The following CTNNA2 variants were observed in gnomAD, a reference collection of about 807,000 sequenced individuals.
CTNNA2 encodes catenin alpha 2.
CTNNA2 carries 42 observed loss-of-function variants against 101.0 expected under a neutral mutation model. That is an observed-to-expected ratio of 0.42 (90% CI 0.32 to 0.54). The LOEUF is 0.54. CTNNA2 is among the 20% of genes least tolerant of loss of function. The pLI, the probability that CTNNA2 is intolerant of heterozygous loss-of-function variation, is 0.14. For synonymous variants in CTNNA2, 450 were observed against 456.4 expected (o/e 0.99, Z 0.18); for missense variants, 871 against 1,223.1 (o/e 0.71, Z 4.29).
At chr2:79,379,749 T>C (rs1573137561) in intron 4 of CTNNA2, among the ~76,000 whole-genome samples, 1 of 152,178 alleles carries the variant, frequency 6.6e-6, no homozygotes, top group East Asian at 1.9e-4. Context: ...ACAGTGATTA[T>C]GTTAGTATTT....
chr2:79,962,985 G>T (rs1010781723), intron 7 of CTNNA2, among the ~76,000 whole-genome samples: 3 of 149,032 alleles, frequency 2.0e-5, no homozygotes, highest in Non-Finnish European at 4.4e-5. Flanking sequence ...GCAGGAGAAC[G>T]GTGTGAACCC....
At chr2:80,016,401 A>G (rs911258172) in intron 7 of CTNNA2, among the ~76,000 whole-genome samples, 1 of 152,138 alleles carries the variant, frequency 6.6e-6, no homozygotes, top group South Asian at 2.1e-4. Flanking sequence ...CTTCTTGGCT[A>G]TGGAGACGAG....
intron 7 of CTNNA2, among the ~76,000 whole-genome samples, chr2:79,984,099 C>T (rs1447834145): frequency 6.6e-6 from 1 of 152,134 alleles, no homozygotes; most frequent in Non-Finnish European, 1.5e-5. Context: ...ACACAATTCC[C>T]CATAATAATT....
chr2:79,651,638 T>G lies in CTNNA2; in HGVS notation c.82T>G (p.Leu28Val). 6.2e-7 allele frequency: 1 copy of G among 1,613,750 alleles called. No individual in the cohort carries two copies. The highest frequency in any genetic ancestry group is 8.5e-7 in the Non-Finnish European group (1 of 1,179,774). The change falls in exon 2 of 19, where the codon TTG becomes GTG. Residue 28 changes from leucine (L) to valine (V), a missense_variant. Leu to Val is a conservative substitution (Grantham distance 32). Around this residue, in one of 5 missense-constraint regions of CTNNA2, gnomAD observed 647 missense variants for 831.5 expected, o/e 0.78. Transcript: ENST00000402739. ...EIRTLTVERL[L>V]EPLVTQVTTL... ...CCGGACGCTAACAGTGGAAAGGCTG[T>G]TGGAGCCACTTGTTACACAGGTAAG...
chr2:79,800,484 A>C (rs988072868), intron 3 of CTNNA2, among the ~76,000 whole-genome samples: 2 of 152,244 alleles, frequency 1.3e-5, no homozygotes, highest in East Asian at 3.9e-4. Context: ...ATGTGTCCAA[A>C]ATTGAAAAAT....
chr2:79,745,153 G>A (rs757672822), intron 3 of CTNNA2, among the ~76,000 whole-genome samples: 15 of 152,136 alleles, frequency 9.9e-5, no homozygotes, highest in Non-Finnish European at 1.9e-4. Context: ...AACTACGGCC[G>A]GGTGCGGTGG....
chr2:80,621,900 T>C (rs59171235), intron 18 of CTNNA2, among the ~76,000 whole-genome samples: 7,723 of 151,838 alleles, frequency 0.051, 492 homozygotes, highest in African/African-American at 0.15. Flanking sequence ...GTGGGCTGGA[T>C]TGCACTGGGG....
intron 3 of CTNNA2, among the ~76,000 whole-genome samples, chr2:79,844,985 C>T (rs1208440873): frequency 1.3e-5 from 2 of 151,240 alleles, no homozygotes; most frequent in Non-Finnish European, 2.9e-5. Flanking sequence ...AAACTACACA[C>T]ACACACACAC....
intron 15 of CTNNA2, among the ~76,000 whole-genome samples, chr2:80,596,669 T>G (rs1697014954): frequency 1.3e-5 from 2 of 152,120 alleles, no homozygotes; most frequent in African/African-American, 4.8e-5. Context: ...ACAATTTGAC[T>G]TCTTTTCTTT....
At chr2:79,844,662 C>A (rs902466545) in intron 3 of CTNNA2, among the ~76,000 whole-genome samples, 1 of 152,116 alleles carries the variant, frequency 6.6e-6, no homozygotes, top group African/African-American at 2.4e-5. Context: ...TGGGGCCCAA[C>A]AGAGAGGGAC....
At chr2:79,251,981 C>T (rs959103267) in intron 2 of CTNNA2, among the ~76,000 whole-genome samples, 1 of 152,216 alleles carries the variant, frequency 6.6e-6, no homozygotes, top group Non-Finnish European at 1.5e-5. Context: ...GAATAATACA[C>T]AGTCTCAGCT....
intron 7 of CTNNA2, among the ~76,000 whole-genome samples, chr2:80,136,555 G>T (rs1325064132): frequency 1.3e-5 from 2 of 152,054 alleles, no homozygotes; most frequent in Non-Finnish European, 2.9e-5. Context: ...CACAACTATA[G>T]TTCTTTTGTG....
intron 2 of CTNNA2, among the ~76,000 whole-genome samples, chr2:79,206,015 A>T (rs548643832): frequency 2.0e-5 from 3 of 152,332 alleles, no homozygotes; most frequent in African/African-American, 7.2e-5. Flanking sequence ...AACAGTCAAA[A>T]GTTTTAAATC....
chr2:80,349,437 A>G (rs1385782755), intron 7 of CTNNA2, among the ~76,000 whole-genome samples: 7 of 152,164 alleles, frequency 4.6e-5, no homozygotes, highest in South Asian at 2.1e-4. Flanking sequence ...CTGAAACCCT[A>G]GGAAAGCCAA....
chr2:79,249,089 G>A (rs2104268774), intron 2 of CTNNA2, among the ~76,000 whole-genome samples: 1 of 152,204 alleles, frequency 6.6e-6, no homozygotes, highest in East Asian at 1.9e-4. Context: ...TGAATCCTTG[G>A]AAAAGTTACC....
intron 2 of CTNNA2, among the ~76,000 whole-genome samples, chr2:79,280,775 C>A (rs1573021240): frequency 6.6e-6 from 1 of 151,552 alleles, no homozygotes; most frequent in African/African-American, 2.4e-5. Context: ...GGAGGACCAC[C>A]CTTGGTTGGC....
chr2:79,524,906 G>C (rs1672318108), intron 1 of CTNNA2: 2 of 142,208 alleles, frequency 1.4e-5, no homozygotes, highest in African/African-American at 5.4e-5. Context: ...AGTATTCCAT[G>C]GTGCTTTTTT....
chr2:79,983,117 G>GTT (rs2103846586), intron 7 of CTNNA2, among the ~76,000 whole-genome samples: 1 of 149,442 alleles, frequency 6.7e-6, no homozygotes, highest in East Asian at 2.0e-4. Context: ...CCAGTCAACA[G>GTT]TTTTATATAT....
intron 7 of CTNNA2, among the ~76,000 whole-genome samples, chr2:80,340,836 A>G (rs965575792): frequency 3.3e-5 from 5 of 152,144 alleles, no homozygotes; most frequent in Non-Finnish European, 7.4e-5. Context: ...TAATGCCCCC[A>G]TGTCATACTC....
Sources: gnomAD v4.1 joint callset for allele counts (sites outside exome capture counted in the v4.1 genomes callset) on GRCh38, gnomAD v4.1.1 for gene constraint, gnomAD v4.1.1 regional missense constraint, MANE v1.5 for transcripts, NCBI Gene and HGNC (gene_info 2026-07-23, HGNC 2026-07-21) for gene names.